FBP1: variants seen among roughly 807,000 people sequenced by gnomAD.
FBP1 encodes fructose-bisphosphatase 1.
In FBP1, 22 loss-of-function variants were observed where a neutral mutation model predicts 29.9. The observed-to-expected ratio is 0.74, with a 90% CI of 0.53 to 1.05. FBP1 has a LOEUF of 1.05. Among genes scored for constraint, FBP1 ranks in the 50% least tolerant of loss-of-function variants. The pLI is 0.00. For synonymous variants in FBP1, 175 were observed against 178.6 expected, an observed-to-expected ratio of 0.98 and a Z score of 0.16; for missense variants, 345 against 448.2, an observed-to-expected ratio of 0.77 and a Z score of 2.08.
intron 1 of FBP1, among the ~76,000 whole-genome samples, chr9:94,630,873 G>C (rs898139997): frequency 6.6e-6 from 1 of 152,130 alleles, no homozygotes. Flanking sequence ...CGGTGCACCT[G>C]GTTCATAGTA....
chr9:94,640,211 G>T (rs1427865261), upstream of FBP1: 1 of 152,240 alleles, frequency 6.6e-6, no homozygotes, highest in Non-Finnish European at 1.5e-5. Flanking sequence ...AGGCCAGAGG[G>T]CTCCACCGCC....
At chr9:94,620,278 GGAA>G in intron 2 of FBP1, 48 bp downstream of exon 2, 3 of 1,594,304 alleles carry the variant, frequency 1.9e-6, no homozygotes, top group Non-Finnish European at 2.6e-6. Flanking sequence ...TATGAAGCTG[GGAA>G]GAAGACCGGC....
Position 94,603,215 on chromosome 9 carries a change from T to G in FBP1, c.*166A>C. ...CACCAGTGGCATTATGGAGACAGCA[T>G]TTGGTTAGGGAGTGCCAAGCATTCT... On this transcript the variant is annotated 3_prime_UTR_variant, in exon 7 of 7. Transcript: ENST00000375326. The G allele has an allele frequency of 1.5e-6, 1 of 668,160 alleles. No individual in the cohort carries two copies. Among genetic ancestry groups the G allele is most frequent in the East Asian group, 2.8e-5 (1 of 36,148 alleles). The allele number at this position is 668,160 out of a possible 1,614,324, so 41.4% of individuals were successfully genotyped here.
At chr9:94,620,295 A>C (rs986069650) in intron 2 of FBP1, 34 bp downstream of exon 2, 1 of 1,611,690 alleles carries the variant, frequency 6.2e-7, no homozygotes, top group African/African-American at 1.3e-5. Flanking sequence ...GACCGGCTAC[A>C]TTAAAACCCT....
At chr9:94,626,489 G>A (rs1828027653) in intron 1 of FBP1, among the ~76,000 whole-genome samples, 2 of 152,180 alleles carry the variant, frequency 1.3e-5, no homozygotes, top group Admixed American at 6.5e-5. Context: ...CCCTGGCTTA[G>A]TCCTGTCAGG....
In FBP1 at chr9:94,639,167, C is replaced by T. The variant is rs768753487; in HGVS notation, c.144G>A (p.Ala48=). 18 of 1,604,334 alleles carry T rather than the reference C, an allele frequency of 1.1e-5. No individual in the cohort carries two copies. In the South Asian group the frequency reaches 1.9e-4, roughly 17 times the overall value. Residue 48 remains alanine (A), a synonymous_variant, in exon 1 of 7, where the codon GCG becomes GCA. Coordinates refer to ENST00000375326, the MANE Select transcript of FBP1 (RefSeq NM_000507.4). ...LCTAVKAISS[A]VRKAGIAHLY... ...GGTGCGCGATGCCCGCCTTGCGCACCGCCGAAGAGATGGCTTTGACTGCTG... is the reference window on the plus strand; with the variant it reads ...GGTGCGCGATGCCCGCCTTGCGCACTGCCGAAGAGATGGCTTTGACTGCTG...
intron 1 of FBP1, among the ~76,000 whole-genome samples, chr9:94,632,498 T>C (rs1828118719): frequency 6.6e-6 from 1 of 151,994 alleles, no homozygotes; most frequent in Non-Finnish European, 1.5e-5. Flanking sequence ...TGAAACCCCG[T>C]CTCTACTAAA....
chr9:94,630,070 C>A (rs1041079311), intron 1 of FBP1, among the ~76,000 whole-genome samples: 1 of 152,198 alleles, frequency 6.6e-6, no homozygotes, highest in African/African-American at 2.4e-5. Flanking sequence ...GAAACTCTTA[C>A]ATAAACATGG....
chr9:94,610,882 G>A (rs938155772), intron 3 of FBP1, among the ~76,000 whole-genome samples: 2 of 68,046 alleles, frequency 2.9e-5, no homozygotes, highest in Non-Finnish European at 6.5e-5. Context: ...TTTTTTTTTT[G>A]ACACGGAGTC....
chr9:94,622,438 G>A, intron 1 of FBP1, among the ~76,000 whole-genome samples: 1 of 152,246 alleles, frequency 6.6e-6, no homozygotes, highest in Non-Finnish European at 1.5e-5. Flanking sequence ...TGATCCAGTG[G>A]CCGTGACTGC....
intron 1 of FBP1, among the ~76,000 whole-genome samples, chr9:94,630,049 C>T (rs1828080036): frequency 6.6e-6 from 1 of 152,154 alleles, no homozygotes; most frequent in Admixed American, 6.5e-5. Context: ...AGTGTATACT[C>T]CAAGGGGACC....
intron 2 of FBP1, 38 bp downstream of exon 2, chr9:94,620,291 C>T: frequency 6.2e-7 from 1 of 1,609,232 alleles, no homozygotes; most frequent in Non-Finnish European, 8.5e-7. Flanking sequence ...AGAAGACCGG[C>T]TACATTAAAA....
At chr9:94,605,617 A>G in intron 5 of FBP1, 41 bp from the exon 6 acceptor site, 1 of 1,358,654 alleles carries the variant, frequency 7.4e-7, no homozygotes, top group Non-Finnish European at 9.8e-7. Flanking sequence ...TGCAGAAAAT[A>G]AGAAAGAGAG....
At chr9:94,623,199 G>A (rs1176632864) in intron 1 of FBP1, among the ~76,000 whole-genome samples, 1 of 152,070 alleles carries the variant, frequency 6.6e-6, no homozygotes, top group Non-Finnish European at 1.5e-5. Flanking sequence ...TGGCCAGGCT[G>A]GTCTCGAACT....
At chr9:94,603,672 C>T in intron 6 of FBP1, 100 bp from the exon 7 acceptor site, 1 of 1,083,540 alleles carries the variant, frequency 9.2e-7, no homozygotes, top group Non-Finnish European at 1.4e-6. Context: ...TGGGAGTTTC[C>T]AAGGGAACGA....
Position 94,610,194 on chromosome 9 carries a change from C to G in FBP1, c.427-133G>C, listed in dbSNP as rs28369730. The G allele has an allele frequency of 0.015, 13,220 of 865,396 alleles. 1,046 individuals carry two copies. In the African/African-American group the frequency reaches 0.18, roughly 12 times the overall value. 53.6% of individuals were successfully genotyped at this position (865,396 alleles called of 1,614,324 possible). On this transcript the variant is annotated intron_variant, in intron 3 of 6. Coordinates refer to ENST00000375326, the MANE Select transcript of FBP1 (RefSeq NM_000507.4). ...GGGCATCTTCCCAGAGGGGCCTTCC[C>G]CTACACATCAGCAATATCCTGATTA...
At chr9:94,634,546 C>A (rs1828162545) in intron 1 of FBP1, among the ~76,000 whole-genome samples, 1 of 152,230 alleles carries the variant, frequency 6.6e-6, no homozygotes. Context: ...TGGAGCACCA[C>A]TTTCTCCCAA....
At chr9:94,618,765 G>A (rs1306496649) in intron 2 of FBP1, among the ~76,000 whole-genome samples, 9 of 152,294 alleles carry the variant, frequency 5.9e-5, no homozygotes, top group Admixed American at 3.9e-4. Context: ...GAGCTGGCTG[G>A]TATCGGCTCT....
At chr9:94,604,885 C>T (rs140993289) in intron 6 of FBP1, among the ~76,000 whole-genome samples, 523 of 152,274 alleles carry the variant, frequency 3.4e-3, no homozygotes, top group African/African-American at 0.012. Context: ...TCTGAGCGAG[C>T]GTGAGGGAGC....
Sources: gnomAD v4.1 joint callset for allele counts (sites outside exome capture counted in the v4.1 genomes callset) on GRCh38, gnomAD v4.1.1 for gene constraint, MANE v1.5 for transcripts, NCBI Gene and HGNC (gene_info 2026-07-23, HGNC 2026-07-21) for gene names.